EGFLAM: variants seen among roughly 807,000 people sequenced by gnomAD.
The protein encoded by EGFLAM is EGF like, fibronectin type III and laminin G domains.
EGFLAM carries 79 observed loss-of-function variants against 113.1 expected under a neutral mutation model. The observed-to-expected ratio is 0.70, with a 90% CI of 0.58 to 0.84. The LOEUF (loss-of-function observed/expected upper bound fraction) is 0.84. Among genes scored for constraint, EGFLAM ranks in the 40% least tolerant of loss-of-function variants. The pLI is 0.00. For synonymous variants in EGFLAM, 504 were observed against 487.6 expected (o/e 1.03, Z -0.44); for missense variants, 1,265 against 1,291.6 (o/e 0.98, Z 0.32).
chr5:38,385,277 C>T (rs1198109856), intron 6 of EGFLAM, among the ~76,000 whole-genome samples: 40 of 46,322 alleles, frequency 8.6e-4, no homozygotes, highest in Middle Eastern at 0.01. Flanking sequence ...GTTTCCCACC[C>T]ACCCCCCCCC....
At position 38,389,798 on chromosome 5, in the gene EGFLAM, C is replaced by T. The variant is rs988389977; in HGVS notation, c.713-16328C>T. 5.9e-5 allele frequency among the ~76,000 whole-genome samples: 9 copies of T among 152,068 alleles called. 1 individual carries two copies. The highest frequency in any genetic ancestry group is 1.9e-4 in the East Asian group (1 of 5,206). ...TTCACATCCATACACATAATTTTCC[C>T]TCCTATTTTTATCTCTTTGACATTT... On this transcript the variant is annotated intron_variant, in intron 6 of 21. Coordinates refer to ENST00000322350, the MANE Select transcript of EGFLAM (RefSeq NM_152403.4).
intron 6 of EGFLAM, chr5:38,404,032 T>C: frequency 6.6e-7 from 1 of 1,524,310 alleles, no homozygotes. Flanking sequence ...CCCGAACCCC[T>C]GAGAACAGCT....
intron 6 of EGFLAM, among the ~76,000 whole-genome samples, chr5:38,399,182 A>G (rs1382383508): frequency 1.3e-5 from 2 of 151,986 alleles, no homozygotes; most frequent in African/African-American, 4.8e-5. Context: ...GTTTTCCACT[A>G]TGCTAGGTGG....
At chr5:38,315,804 G>T (rs1300439349) in intron 1 of EGFLAM, among the ~76,000 whole-genome samples, 1 of 152,184 alleles carries the variant, frequency 6.6e-6, no homozygotes, top group Non-Finnish European at 1.5e-5. Context: ...GGCCGGGCAT[G>T]GTGGCTCATG....
At chr5:38,341,263 A>C (rs999000273) in intron 3 of EGFLAM, among the ~76,000 whole-genome samples, 1 of 152,204 alleles carries the variant, frequency 6.6e-6, no homozygotes. Context: ...AGAGGTTTAA[A>C]TGACTCACAG....
At chr5:38,373,809 T>A (rs760739601) in intron 6 of EGFLAM, among the ~76,000 whole-genome samples, 2 of 152,200 alleles carry the variant, frequency 1.3e-5, no homozygotes, top group Non-Finnish European at 2.9e-5. Context: ...GTGGTAGTTA[T>A]ATTTTTAGTT....
At chr5:38,286,728 T>C (rs1758171886) in intron 1 of EGFLAM, among the ~76,000 whole-genome samples, 2 of 152,248 alleles carry the variant, frequency 1.3e-5, no homozygotes, top group South Asian at 4.1e-4. Context: ...CTGGATTGAA[T>C]ATCTGAGTTT....
At chr5:38,312,827 C>T (rs1441418269) in intron 1 of EGFLAM, among the ~76,000 whole-genome samples, 1 of 152,154 alleles carries the variant, frequency 6.6e-6, no homozygotes, top group East Asian at 1.9e-4. Flanking sequence ...GTGGCTCACA[C>T]CTGTAATCCC....
chr5:38,404,805 C>T (rs1249157150), intron 6 of EGFLAM, among the ~76,000 whole-genome samples: 4 of 152,186 alleles, frequency 2.6e-5, no homozygotes, highest in Non-Finnish European at 4.4e-5. Flanking sequence ...AATACCTGTG[C>T]TGGCCCAAAT....
rs772212185 is a variant in EGFLAM, at chr5:38,352,184, C to T, written c.410-12C>T. On this transcript the variant is annotated splice_polypyrimidine_tract_variant and intron_variant, in intron 4 of 21. Coordinates refer to ENST00000322350, the MANE Select transcript of EGFLAM (RefSeq NM_152403.4). ...ACCAGCCTAGTCTAGTTGTGTTTGTCATCCCACCTAGATTCCTGCCTGCCT... is the reference window on the plus strand; with the variant it reads ...ACCAGCCTAGTCTAGTTGTGTTTGTTATCCCACCTAGATTCCTGCCTGCCT... 1.2e-6 allele frequency: 2 copies of T among 1,613,760 alleles called. No individual in the cohort carries two copies. Among genetic ancestry groups the T allele is most frequent in the East Asian group, 2.2e-5 (1 of 44,874 alleles).
At chr5:38,288,501 A>T (rs1758225700) in intron 1 of EGFLAM, among the ~76,000 whole-genome samples, 1 of 152,214 alleles carries the variant, frequency 6.6e-6, no homozygotes, top group Admixed American at 6.5e-5. Context: ...AAACTAAATG[A>T]TTTCATAAAA....
At chr5:38,422,965 T>C (rs544199630) in intron 12 of EGFLAM, among the ~76,000 whole-genome samples, 2 of 152,322 alleles carry the variant, frequency 1.3e-5, no homozygotes, top group South Asian at 2.1e-4. Context: ...ATGCCTTGTG[T>C]GACCTTGTAC....
At chr5:38,277,484 T>TC (rs142536096) in intron 1 of EGFLAM, among the ~76,000 whole-genome samples, 19,377 of 152,086 alleles carry the variant, frequency 0.13, 1,428 homozygotes, top group Middle Eastern at 0.28. Flanking sequence ...GAAAGCTTTT[T>TC]TTCTAAGATC....
At chr5:38,271,356 C>A (rs1233598853) in intron 1 of EGFLAM, among the ~76,000 whole-genome samples, 1 of 152,204 alleles carries the variant, frequency 6.6e-6, no homozygotes, top group Non-Finnish European at 1.5e-5. Flanking sequence ...ACCGTACTCT[C>A]TACCAGAATA....
intron 1 of EGFLAM, among the ~76,000 whole-genome samples, chr5:38,301,372 G>C (rs1355871686): frequency 6.6e-6 from 1 of 152,094 alleles, no homozygotes; most frequent in Non-Finnish European, 1.5e-5. Context: ...ACTGGCCGTG[G>C]GGTTTAAGCA....
chr5:38,462,998 A>G lies in EGFLAM; in HGVS notation c.2862A>G (p.Gly954=). Residue 954 remains glycine, a synonymous_variant, in exon 21 of 22, where the codon GGA becomes GGG. Transcript: ENST00000322350. ...PGMMRQLNIN[G]ALYVGGMKEI... Reference sequence around the variant, plus strand: ...TGATGCGGCAGCTTAACATCAATGGAGCTCTGTATGTGGGTAAGTGACCGA... The same window carrying G: ...TGATGCGGCAGCTTAACATCAATGGGGCTCTGTATGTGGGTAAGTGACCGA... 1 of 1,613,926 alleles carries G rather than the reference A, an allele frequency of 6.2e-7. No individual in the cohort carries two copies. The highest frequency in any genetic ancestry group is 8.5e-7 in the Non-Finnish European group (1 of 1,179,870).
intron 6 of EGFLAM, among the ~76,000 whole-genome samples, chr5:38,378,744 C>T (rs1474082167): frequency 6.6e-6 from 1 of 152,200 alleles, no homozygotes; most frequent in Non-Finnish European, 1.5e-5. Flanking sequence ...AAACTGTCCT[C>T]TTACTACCTT....
chr5:38,283,404 G>T (rs1254265251), intron 1 of EGFLAM, among the ~76,000 whole-genome samples: 1 of 152,036 alleles, frequency 6.6e-6, no homozygotes, highest in Non-Finnish European at 1.5e-5. Context: ...GTTATAATGG[G>T]GAAGAATCCA....
chr5:38,407,094 G>A lies in EGFLAM; in HGVS notation c.1095G>A (p.Gly365=). Residue 365 remains glycine, a synonymous_variant, in exon 8 of 22, where the codon GGG becomes GGA. Transcript: ENST00000322350. ...DSFCVNDYTW[G]GSRCQCTLGK... is the part of the protein sequence containing the mutation. Reference sequence around the variant, plus strand: ...TCTGTGTCAATGACTACACCTGGGGGGGCTCGCGATGCCAGTGCACCCTGG... The same window carrying A: ...TCTGTGTCAATGACTACACCTGGGGAGGCTCGCGATGCCAGTGCACCCTGG... The A allele has an allele frequency of 6.2e-7, 1 of 1,614,108 alleles. No homozygotes were observed. Among genetic ancestry groups the A allele is most frequent in the Non-Finnish European group, 8.5e-7 (1 of 1,180,028 alleles).
Sources: allele counts gnomAD v4.1 joint callset (sites outside exome capture counted in the v4.1 genomes callset), GRCh38; gene constraint gnomAD v4.1.1; transcripts MANE v1.5; gene names NCBI Gene and HGNC (gene_info 2026-07-23, HGNC 2026-07-21).